The following UBE2Q2 variants were observed in gnomAD, a reference collection of about 807,000 sequenced individuals.
The protein encoded by UBE2Q2 is ubiquitin-conjugating enzyme E2 Q2.
A neutral mutation model predicts 59.9 loss-of-function variants in UBE2Q2; 54 were observed. That is an observed-to-expected ratio of 0.90 (90% confidence interval 0.72 to 1.13). The LOEUF (loss-of-function observed/expected upper bound fraction) is 1.13, where lower values mean the gene tolerates loss of function less well. Among genes scored for constraint, UBE2Q2 ranks in the 50% most tolerant of loss-of-function variants. UBE2Q2 has a pLI of 0.00. For missense variants in UBE2Q2, 433 were observed against 441.9 expected (o/e 0.98, Z 0.18); for synonymous variants, 165 against 155.2 (o/e 1.06, Z -0.47).
intron 1 of UBE2Q2, chr15:75,844,363 G>A: frequency 6.4e-7 from 1 of 1,550,932 alleles, no homozygotes; most frequent in Non-Finnish European, 8.7e-7. Context: ...AATGAGAATG[G>A]ACTCGTTGAC....
intron 11 of UBE2Q2, among the ~76,000 whole-genome samples, chr15:75,891,944 CCTA>C (rs1899132717): frequency 6.6e-6 from 1 of 152,146 alleles, no homozygotes. Context: ...CAGCTTCTGA[CCTA>C]TTTCTATGAT....
Position 75,859,927 on chromosome 15 carries a change from A to G in UBE2Q2, c.332A>G (p.Asn111Ser). 6.2e-7 allele frequency: 1 copy of G among 1,604,524 alleles called. No homozygotes were observed. Among genetic ancestry groups the G allele is most frequent in the Non-Finnish European group, 8.5e-7 (1 of 1,177,358 alleles). Residue 111 changes from asparagine to serine, a missense_variant, in exon 3 of 13, where the codon AAC becomes AGC. By Grantham distance (46) the Asn-to-Ser change is conservative (BLOSUM62 1). Transcript: ENST00000267938. ...WLICELCSLY[N>S]LPKHLDVEML... ...ATATGTGAACTCTGCAGTTTATATA[A>G]CCTTCCTAAGCACCTGGATGTTGAG...
At chr15:75,874,662 G>A (rs1034770650) in intron 5 of UBE2Q2, among the ~76,000 whole-genome samples, 18 of 152,126 alleles carry the variant, frequency 1.2e-4, no homozygotes, top group African/African-American at 4.3e-4. Flanking sequence ...ACAATTTATG[G>A]TTTCACTTTC....
At chr15:75,844,108 C>T (rs1402568153) in intron 1 of UBE2Q2, 50 of 1,416,278 alleles carry the variant, frequency 3.5e-5, no homozygotes, top group Non-Finnish European at 4.1e-5. Flanking sequence ...GTCCCCGTCT[C>T]CTAGCCCCGA....
intron 2 of UBE2Q2, among the ~76,000 whole-genome samples, chr15:75,855,176 T>C (rs1026925269): frequency 1.3e-4 from 20 of 152,180 alleles, no homozygotes; most frequent in Admixed American, 5.9e-4. Context: ...TCATGGTCTA[T>C]ATAGTTTTAC....
In UBE2Q2 at chr15:75,847,814, A is replaced by G. The variant is rs188904140; in HGVS notation, c.180+3968A>G. On this transcript the variant is annotated intron_variant, in intron 1 of 12. Coordinates refer to ENST00000267938, the MANE Select transcript of UBE2Q2 (RefSeq NM_173469.4). ...TTAGAATGAAAAATCTCCCCCAGGAAGTAAATTAGCTAGTAAACAAATGAA... is the reference window on the plus strand; with the variant it reads ...TTAGAATGAAAAATCTCCCCCAGGAGGTAAATTAGCTAGTAAACAAATGAA... 1.4e-3 allele frequency among the ~76,000 whole-genome samples: 209 copies of G among 152,288 alleles called. 1 individual carries two copies. Among genetic ancestry groups the G allele is most frequent in the African/African-American group, 4.5e-3 (189 of 41,554 alleles).
chr15:75,868,240 A>G (rs926634173), intron 3 of UBE2Q2, among the ~76,000 whole-genome samples: 2 of 152,186 alleles, frequency 1.3e-5, no homozygotes, highest in African/African-American at 4.8e-5. Context: ...TTAAAGATGC[A>G]TGTATAAACA....
At chr15:75,848,039 T>G (rs1896443109) in intron 1 of UBE2Q2, among the ~76,000 whole-genome samples, 1 of 152,142 alleles carries the variant, frequency 6.6e-6, no homozygotes, top group African/African-American at 2.4e-5. Context: ...TAGGAGGAAG[T>G]GAGAAGTTTA....
intron 10 of UBE2Q2, 21 bp downstream of exon 10, chr15:75,890,504 C>T: frequency 6.3e-7 from 1 of 1,599,574 alleles, no homozygotes. Flanking sequence ...TTACGATACT[C>T]CATTTTCACC....
At chr15:75,867,577 A>G (rs1897568592) in intron 3 of UBE2Q2, among the ~76,000 whole-genome samples, 1 of 152,202 alleles carries the variant, frequency 6.6e-6, no homozygotes, top group Admixed American at 6.5e-5. Context: ...TTGAAATGAA[A>G]TCATCTTAGG....
chr15:75,887,041 C>A (rs12915152), intron 9 of UBE2Q2, among the ~76,000 whole-genome samples: 35,061 of 151,652 alleles, frequency 0.23, 4,890 homozygotes, highest in Non-Finnish European at 0.31. Context: ...AAATCTGTTA[C>A]GTAGTTTCTT....
At chr15:75,844,096 C>G (rs1896179451) in intron 1 of UBE2Q2, 2 of 1,415,070 alleles carry the variant, frequency 1.4e-6, no homozygotes, top group Admixed American at 3.0e-5. Context: ...TGGCCCATCT[C>G]GGTCCCCGTC....
At chr15:75,883,932 G>T (rs577074295) in intron 9 of UBE2Q2, among the ~76,000 whole-genome samples, 20 of 152,162 alleles carry the variant, frequency 1.3e-4, no homozygotes, top group African/African-American at 4.8e-4. Flanking sequence ...TGTGATTGAG[G>T]GTTTAGAGAA....
Position 75,897,079 on chromosome 15 carries a change from AGTGT to A in UBE2Q2, c.1096+19_1096+22del. On this transcript the variant is annotated intron_variant, in intron 12 of 12. Transcript: ENST00000267938. ...GAAAAATGGTATGTTTAATTCAATA[AGTGT>A]TTATTGCCATTTAAGAAGTTTTAGA... 6.8e-7 allele frequency: 1 copy of A among 1,469,352 alleles called. No individual in the cohort carries two copies. Among genetic ancestry groups the A allele is most frequent in the Non-Finnish European group, 9.3e-7 (1 of 1,079,160 alleles). 91.0% of individuals were successfully genotyped at this position (1,469,352 alleles called of 1,614,324 possible).
chr15:75,881,799 A>G (rs1013424770), intron 8 of UBE2Q2, among the ~76,000 whole-genome samples: 1 of 152,200 alleles, frequency 6.6e-6, no homozygotes, highest in African/African-American at 2.4e-5. Context: ...CCAACTTGCT[A>G]TATTTTTAAG....
intron 9 of UBE2Q2, among the ~76,000 whole-genome samples, chr15:75,883,839 T>TATACACACACAC (rs924347206): frequency 1.3e-5 from 2 of 151,886 alleles, no homozygotes; most frequent in African/African-American, 4.8e-5. Flanking sequence ...TATTTATACA[T>TATACACACACAC]ACACACACAC....
intron 8 of UBE2Q2, among the ~76,000 whole-genome samples, chr15:75,879,600 G>A (rs557644622): frequency 1.3e-5 from 2 of 152,266 alleles, no homozygotes; most frequent in South Asian, 2.1e-4. Context: ...ATTCTTAGTG[G>A]AGGCAATATC....
intron 1 of UBE2Q2, among the ~76,000 whole-genome samples, chr15:75,849,650 T>C (rs749879697): frequency 5.9e-5 from 9 of 152,246 alleles, no homozygotes; most frequent in Admixed American, 3.3e-4. Flanking sequence ...TGAACTTGTT[T>C]GAAATTTGTC....
At chr15:75,891,970 C>G (rs761028084) in intron 11 of UBE2Q2, among the ~76,000 whole-genome samples, 2 of 152,188 alleles carry the variant, frequency 1.3e-5, no homozygotes, top group Non-Finnish European at 2.9e-5. Flanking sequence ...GGAAAGGCAT[C>G]TGTCTTTCCC....
Sources: allele counts gnomAD v4.1 joint callset (sites outside exome capture counted in the v4.1 genomes callset), GRCh38; gene constraint gnomAD v4.1.1; transcripts MANE v1.5; gene names NCBI Gene and HGNC (gene_info 2026-07-23, HGNC 2026-07-21).